UFC1: variants seen among roughly 807,000 people sequenced by gnomAD.
UFC1 encodes the protein ubiquitin-fold modifier conjugating enzyme 1.
Under a neutral mutation model 28.0 loss-of-function variants are expected in UFC1, and 22 were observed. That is an observed-to-expected ratio of 0.78 (90% CI 0.56 to 1.12). The LOEUF (loss-of-function observed/expected upper bound fraction) is 1.12, where lower values mean the gene tolerates loss of function less well. Among genes scored for constraint, UFC1 ranks in the 50% most tolerant of loss-of-function variants. UFC1 has a pLI of 0.00. For synonymous variants in UFC1, 61 were observed against 74.5 expected (o/e 0.82, Z 0.93); for missense variants, 189 against 207.8 (o/e 0.91, Z 0.56).
At chr1:161,156,852 A>G in intron 1 of UFC1, 98 bp from the exon 2 acceptor site, 1 of 1,112,410 alleles carries the variant, frequency 9.0e-7, no homozygotes, top group Non-Finnish European at 1.3e-6. Context: ...CAATAAAAAT[A>G]AAAAATAAAA....
intron 4 of UFC1, 69 bp from the exon 5 acceptor site, chr1:161,158,052 C>T: frequency 2.2e-6 from 3 of 1,338,718 alleles, no homozygotes; most frequent in South Asian, 1.2e-5. Context: ...TCTTCCTATG[C>T]CCCCAAGAGG....
Position 161,158,153 on chromosome 1 carries a change from A to G in UFC1, c.365A>G (p.Lys122Arg), listed in dbSNP as rs759253222. The change falls in exon 5 of 6, where the codon AAA becomes AGA. Residue 122 changes from lysine (K) to arginine (R), a missense_variant. Physicochemically the swap from Lys to Arg is conservative, Grantham distance 26. Coordinates refer to ENST00000368003, the MANE Select transcript of UFC1 (RefSeq NM_016406.4). ...AAAATATGCCTGACGGATCATTTCA[A>G]ACCTTTGTGGGCCAGGAATGTGCCC... ...GGKICLTDHFKPLWARNVPKF... is the reference protein window; with the variant it reads ...GGKICLTDHFRPLWARNVPKF... 1.2e-6 allele frequency: 2 copies of G among 1,614,068 alleles called. No individual in the cohort carries two copies. The highest frequency in any genetic ancestry group is 2.7e-5 in the African/African-American group (2 of 74,910).
intron 1 of UFC1, 78 bp downstream of exon 1, chr1:161,154,198 T>G: frequency 6.4e-7 from 1 of 1,569,020 alleles, no homozygotes; most frequent in South Asian, 1.1e-5. Flanking sequence ...AGGCTCCGTG[T>G]GGAAGCCGCT....
chr1:161,157,495 T>C, intron 3 of UFC1, 122 bp from the exon 4 acceptor site: 3 of 1,248,466 alleles, frequency 2.4e-6, no homozygotes, highest in Non-Finnish European at 3.5e-6. Flanking sequence ...AATCCTGGTA[T>C]GGATGTGCTC....
At position 161,154,040 on chromosome 1, in the gene UFC1, G is replaced by C. The variant is rs767298661; in HGVS notation, c.43G>C (p.Val15Leu). The change falls in exon 1 of 6, where the codon GTG becomes CTG. Residue 15 changes from valine (V) to leucine (L), a missense_variant. Val to Leu is a conservative substitution (Grantham distance 32, BLOSUM62 1). Coordinates refer to ENST00000368003, the MANE Select transcript of UFC1 (RefSeq NM_016406.4). ...ATRRVVSEIP[V>L]LKTNAGPRDR... is the part of the protein sequence containing the mutation. ...GCGACGTGTTGTGTCTGAGATCCCGGTGCTGAAGACTAACGCCGGACCCCG... is the reference window on the plus strand; with the variant it reads ...GCGACGTGTTGTGTCTGAGATCCCGCTGCTGAAGACTAACGCCGGACCCCG... 5.6e-6 allele frequency: 9 copies of C among 1,614,024 alleles called. No homozygotes were observed. The South Asian group carries it at 9.9e-5, about 18-fold the overall frequency.
Position 161,157,280 on chromosome 1 carries a change from A to G in UFC1, c.218A>G (p.His73Arg), listed in dbSNP as rs778224896. ...TGGTTTGGAAAATGCTGGTATATCC[A>G]TGACCTCCTGAAATATGAGTTTGAC... is the stretch of plus-strand genomic sequence containing the variant. The part of the protein sequence containing the change: ...TRWFGKCWYI[H>R]DLLKYEFDIE... The change falls in exon 3 of 6, where the codon CAT (histidine) becomes CGT (arginine). Residue 73 changes from histidine to arginine, a missense_variant. His to Arg is a conservative substitution (Grantham distance 29, BLOSUM62 0). Transcript: ENST00000368003. 4 of 1,614,264 alleles carry G rather than the reference A, an allele frequency of 2.5e-6. No individual in the cohort carries two copies. The highest frequency in any genetic ancestry group is 3.4e-6 in the Non-Finnish European group (4 of 1,180,044).
rs929430503 is a variant in UFC1, at chr1:161,158,588, G to A, written c.*96G>A. The A allele has an allele frequency of 1.5e-5, 20 of 1,324,776 alleles. No individual in the cohort carries two copies. The highest frequency in any genetic ancestry group is 2.1e-5 in the Non-Finnish European group (20 of 931,392). 82.1% of individuals were successfully genotyped at this position (1,324,776 alleles called of 1,614,324 possible). A position where few individuals can be genotyped will look rare whatever the true frequency, so the allele number is the denominator to read the frequency against. ...CTTAACTCATCTAACTGCTTCCCCG[G>A]ACACCCTCCACCTCTAGTTGTTACT... is the stretch of plus-strand genomic sequence containing the variant. On this transcript the variant is annotated 3_prime_UTR_variant, in exon 6 of 6. Coordinates refer to ENST00000368003, the MANE Select transcript of UFC1 (RefSeq NM_016406.4).
chr1:161,154,172 A>T (rs369968136), intron 1 of UFC1, 52 bp downstream of exon 1: 6 of 1,606,204 alleles, frequency 3.7e-6, no homozygotes, highest in Non-Finnish European at 4.3e-6. Context: ...GGGAGAAATC[A>T]GGTGTCCTCA....
chr1:161,158,526 T>G lies in UFC1; in HGVS notation c.*34T>G. 1 of 1,607,166 alleles carries G rather than the reference T, an allele frequency of 6.2e-7. No homozygotes were observed. Among genetic ancestry groups the G allele is most frequent in the Non-Finnish European group, 8.5e-7 (1 of 1,173,730 alleles). ...GCCACTGAGGCAGGGCAGAGGGACC[T>G]TTGATAGGCTACGATACTATTTTCC... is the stretch of plus-strand genomic sequence containing the variant. On this transcript the variant is annotated 3_prime_UTR_variant, in exon 6 of 6. Coordinates refer to ENST00000368003, the MANE Select transcript of UFC1 (RefSeq NM_016406.4).
intron 5 of UFC1, 24 bp from the exon 6 acceptor site, chr1:161,158,388 C>T: frequency 1.2e-6 from 2 of 1,613,996 alleles, no homozygotes; most frequent in Non-Finnish European, 1.7e-6. Flanking sequence ...GTAGTAATCT[C>T]ACAGGATTTT....
In UFC1 at chr1:161,154,074, A is replaced by C. The variant is rs1329439137; in HGVS notation, c.77A>C (p.Glu26Ala). The change falls in exon 1 of 6, where the codon GAG (glutamate) becomes GCG (alanine). Residue 26 changes from glutamate (E) to alanine (A), a missense_variant. Coordinates refer to ENST00000368003, the MANE Select transcript of UFC1 (RefSeq NM_016406.4). The stretch of plus-strand genomic sequence containing the variant: ...ACTAACGCCGGACCCCGAGATCGTG[A>C]GTTGTGGGTGCAGCGACTGAAGGAG... ...LKTNAGPRDR[E>A]LWVQRLKEEY... The C allele has an allele frequency of 1.2e-6, 2 of 1,613,708 alleles. No individual in the cohort carries two copies. The highest frequency in any genetic ancestry group is 1.7e-6 in the Non-Finnish European group (2 of 1,179,922).
In UFC1 at chr1:161,158,574, T is replaced by G; in HGVS notation, c.*82T>G. 6.8e-7 allele frequency: 1 copy of G among 1,463,686 alleles called. No individual in the cohort carries two copies. The highest frequency in any genetic ancestry group is 9.5e-7 in the Non-Finnish European group (1 of 1,048,892). 90.7% of individuals were successfully genotyped at this position (1,463,686 alleles called of 1,614,324 possible). A position where few individuals can be genotyped will look rare whatever the true frequency, so the allele number is the denominator to read the frequency against. On this transcript the variant is annotated 3_prime_UTR_variant, in exon 6 of 6. Coordinates refer to ENST00000368003, the MANE Select transcript of UFC1 (RefSeq NM_016406.4). ...TCCTGTGCATCACACTTAACTCATC[T>G]AACTGCTTCCCCGGACACCCTCCAC...
chr1:161,158,136 C>T lies in UFC1; in HGVS notation c.348C>T (p.Cys116=), dbSNP rs781558233. The change falls in exon 5 of 6, where the codon TGC becomes TGT. Residue 116 remains cysteine, a synonymous_variant. Coordinates refer to ENST00000368003, the MANE Select transcript of UFC1 (RefSeq NM_016406.4). ...CCTCTCATAGGGGTGGCAAAATATG[C>T]CTGACGGATCATTTCAAACCTTTGT... ...TAKMYRGGKI[C]LTDHFKPLWA... 1.9e-6 allele frequency: 3 copies of T among 1,613,996 alleles called. No homozygotes were observed. Among genetic ancestry groups the T allele is most frequent in the Non-Finnish European group, 2.5e-6 (3 of 1,180,024 alleles).
At chr1:161,154,545 C>T (rs1657454279) in intron 1 of UFC1, among the ~76,000 whole-genome samples, 1 of 152,092 alleles carries the variant, frequency 6.6e-6, no homozygotes, top group South Asian at 2.1e-4. Context: ...AGTGCAGTGG[C>T]GCGATCTCGG....
At chr1:161,155,574 C>G (rs2101789110) in intron 1 of UFC1, among the ~76,000 whole-genome samples, 1 of 152,124 alleles carries the variant, frequency 6.6e-6, no homozygotes, top group South Asian at 2.1e-4. Flanking sequence ...TTGACAGGGA[C>G]AAGACTGAAG....
Position 161,158,772 on chromosome 1 carries a change from A to T in UFC1, c.*280A>T. On this transcript the variant is annotated 3_prime_UTR_variant, in exon 6 of 6. Transcript: ENST00000368003. The stretch of plus-strand genomic sequence containing the variant: ...CAGGTGGAGCAACATGCGATTCTGG[A>T]GGCACGGGGGTAACTGAAAGTGAGT... The T allele has an allele frequency of 2.2e-6, 1 of 450,656 alleles. No individual in the cohort carries two copies. The highest frequency in any genetic ancestry group is 2.0e-5 in the African/African-American group (1 of 50,680). 27.9% of individuals were successfully genotyped at this position (450,656 alleles called of 1,614,324 possible). A position where few individuals can be genotyped will look rare whatever the true frequency, so the allele number is the denominator to read the frequency against.
chr1:161,156,183 C>A (rs1211568627), intron 1 of UFC1, among the ~76,000 whole-genome samples: 1 of 152,132 alleles, frequency 6.6e-6, no homozygotes, highest in Non-Finnish European at 1.5e-5. Flanking sequence ...CCCCACTTAC[C>A]AGTATAGCCT....
intron 1 of UFC1, among the ~76,000 whole-genome samples, chr1:161,155,271 A>G (rs1657476066): frequency 6.6e-6 from 1 of 152,210 alleles, no homozygotes; most frequent in African/African-American, 2.4e-5. Context: ...AGCTAGCCTG[A>G]TAAAACATAA....
In UFC1 at chr1:161,158,766, T is replaced by C. The variant is rs567013037; in HGVS notation, c.*274T>C. 1 of 461,810 alleles carries C rather than the reference T, an allele frequency of 2.2e-6. No individual in the cohort carries two copies. The highest frequency in any genetic ancestry group is 4.0e-5 in the East Asian group (1 of 24,770). The allele number at this position is 461,810 out of a possible 1,614,324, so 28.6% of individuals were successfully genotyped here. On this transcript the variant is annotated 3_prime_UTR_variant, in exon 6 of 6. Transcript: ENST00000368003. Reference sequence around the variant, plus strand: ...CGCCCCCAGGTGGAGCAACATGCGATTCTGGAGGCACGGGGGTAACTGAAA... The same window carrying C: ...CGCCCCCAGGTGGAGCAACATGCGACTCTGGAGGCACGGGGGTAACTGAAA...
Sources: gnomAD v4.1 joint callset for allele counts (sites outside exome capture counted in the v4.1 genomes callset) on GRCh38, gnomAD v4.1.1 for gene constraint, MANE v1.5 for transcripts, NCBI Gene and HGNC (gene_info 2026-07-23, HGNC 2026-07-21) for gene names.